Variants in SLC35F4 observed in about 807,000 individuals in gnomAD.
SLC35F4 encodes solute carrier family 35 member F4, also known as chromosome 14 open reading frame 36.
SLC35F4 carries 24 observed loss-of-function variants against 44.2 expected under a neutral mutation model. That is an observed-to-expected ratio of 0.54 (90% CI 0.39 to 0.76). The LOEUF is 0.76. Ranked by LOEUF, SLC35F4 falls within the 30% of genes least tolerant of loss-of-function variation. The probability of loss-of-function intolerance (pLI) is 0.00; values close to 1 mark genes in which losing one functional copy is unlikely to be tolerated. For synonymous variants in SLC35F4, 238 were observed against 223.6 expected (o/e 1.06, Z -0.57); for missense variants, 562 against 586.1 (o/e 0.96, Z 0.42).
At chr14:57,982,487 C>G (rs1430674611), upstream of SLC35F4, among the ~76,000 whole-genome samples, 1 of 152,014 alleles carries the variant, frequency 6.6e-6, no homozygotes, top group Non-Finnish European at 1.5e-5. Flanking sequence ...AAGGGTTGTT[C>G]TATGCTGCCT....
At chr14:57,599,933 T>G (rs2070716655) in intron 1 of SLC35F4, among the ~76,000 whole-genome samples, 2 of 151,908 alleles carry the variant, frequency 1.3e-5, no homozygotes, top group Admixed American at 6.6e-5. Context: ...CCCTTTGATA[T>G]CCCACAGGAA....
intron 1 of SLC35F4, among the ~76,000 whole-genome samples, chr14:57,885,614 A>C (rs1350894058): frequency 6.6e-6 from 1 of 152,240 alleles, no homozygotes; most frequent in Admixed American, 6.5e-5. Flanking sequence ...TTAAAATTAA[A>C]TGAAATTTAA....
rs534380663 is a variant in SLC35F4, at chr14:57,879,934, G to T, written n.282+101979C>A. Among the ~76,000 whole-genome samples, 3 of 151,448 alleles carry T rather than the reference G, an allele frequency of 2.0e-5. No homozygotes were observed. The East Asian group carries it at 5.9e-4, about 30-fold the overall frequency. On this transcript the variant is annotated intron_variant and non_coding_transcript_variant, in intron 1 of 1. Coordinates refer to the SLC35F4 transcript ENST00000556568. ...AGGAAAGGAGGGAGGGAGAGAAGGA[G>T]TGAGGTGGGGAGGGATTAAAGAAGG... is the stretch of plus-strand genomic sequence containing the variant.
chr14:57,777,408 A>G (rs2077514410), intron 1 of SLC35F4, among the ~76,000 whole-genome samples: 1 of 152,258 alleles, frequency 6.6e-6, no homozygotes, highest in African/African-American at 2.4e-5. Context: ...CTGGATTAAG[A>G]AAATGTGGCA....
rs542191351 is a variant in SLC35F4, at chr14:57,863,581, G to A, written c.103+2142C>T. 3.9e-5 allele frequency among the ~76,000 whole-genome samples: 6 copies of A among 152,232 alleles called. No homozygotes were observed. The South Asian group carries it at 8.3e-4, about 21-fold the overall frequency. On this transcript the variant is annotated intron_variant, in intron 1 of 7. Coordinates refer to ENST00000556826, the MANE Select transcript of SLC35F4 (RefSeq NM_001306087.2). The stretch of plus-strand genomic sequence containing the variant: ...TCCCCTAAGCTGTTGCTCATTCCCT[G>A]TAACAGCCAAATCAATTGACCATAT...
intron 1 of SLC35F4, among the ~76,000 whole-genome samples, chr14:57,949,868 G>T (rs1051266588): frequency 5.9e-5 from 9 of 152,092 alleles, no homozygotes; most frequent in Non-Finnish European, 1.5e-5. Flanking sequence ...ATCCCTTCTG[G>T]CTTAAAAGGT....
At chr14:57,588,357 A>ATTTTTT (rs60172708) in intron 3 of SLC35F4, among the ~76,000 whole-genome samples, 162 of 150,626 alleles carry the variant, frequency 1.1e-3, no homozygotes, top group Admixed American at 3.2e-3. Flanking sequence ...TGGTGTCCCT[A>ATTTTTT]TTTTTTTTTC....
At chr14:57,624,390 A>C (rs549033434) in intron 1 of SLC35F4, among the ~76,000 whole-genome samples, 1 of 152,348 alleles carries the variant, frequency 6.6e-6, no homozygotes. Context: ...AGCTGGTACC[A>C]TTCCTTCTGA....
intron 1 of SLC35F4, among the ~76,000 whole-genome samples, chr14:57,680,347 T>G (rs1055386569): frequency 6.6e-6 from 1 of 152,066 alleles, no homozygotes; most frequent in Non-Finnish European, 1.5e-5. Context: ...AAACTTTCAA[T>G]AAACTAAGCG....
rs576823796 is a variant in SLC35F4 at position 57,581,137 on chromosome 14, A to G, written c.807+77T>C. 6.5e-6 allele frequency: 9 copies of G among 1,392,722 alleles called. No individual in the cohort carries two copies. In the South Asian group the frequency reaches 1.4e-4, roughly 22 times the overall value. 86.3% of individuals were successfully genotyped at this position (1,392,722 alleles called of 1,614,324 possible). A position where few individuals can be genotyped will look rare whatever the true frequency, so the allele number is the denominator to read the frequency against. ...AAGTTTTACAGCAACTCCACGAAACAAAGCAGACAGGCTCTCCTGAAGCCA... is the reference window on the plus strand; with the variant it reads ...AAGTTTTACAGCAACTCCACGAAACGAAGCAGACAGGCTCTCCTGAAGCCA... On this transcript the variant is annotated intron_variant, in intron 4 of 7. Transcript: ENST00000556826.
intron 1 of SLC35F4, among the ~76,000 whole-genome samples, chr14:57,960,736 G>A (rs1890322405): frequency 6.6e-6 from 1 of 152,138 alleles, no homozygotes; most frequent in African/African-American, 2.4e-5. Flanking sequence ...TTTCCTGGTA[G>A]GTAGGCAGAA....
intron 1 of SLC35F4, among the ~76,000 whole-genome samples, chr14:57,895,581 A>ACTCT (rs373339951): frequency 0.17 from 21,950 of 131,684 alleles, 1,843 homozygotes; most frequent in East Asian, 0.48. Flanking sequence ...TCGCTCTCTC[A>ACTCT]CTCTCTCTCT....
chr14:57,667,172 G>A (rs2074338417), intron 1 of SLC35F4, among the ~76,000 whole-genome samples: 1 of 147,230 alleles, frequency 6.8e-6, no homozygotes, highest in African/African-American at 2.5e-5. Context: ...TCCTGTGTTT[G>A]TGTAAATACC....
chr14:57,870,062 C>A (rs1243370276), upstream of SLC35F4, among the ~76,000 whole-genome samples: 1 of 151,990 alleles, frequency 6.6e-6, no homozygotes, highest in Non-Finnish European at 1.5e-5. Flanking sequence ...CACTGAACCT[C>A]TTTGGAGAAA....
chr14:57,747,130 C>T (rs1178504437), intron 1 of SLC35F4, among the ~76,000 whole-genome samples: 1 of 152,136 alleles, frequency 6.6e-6, no homozygotes, highest in East Asian at 1.9e-4. Flanking sequence ...AGCAATAGTA[C>T]TCCCTAAAAT....
chr14:57,581,397 C>A lies in SLC35F4; in HGVS notation c.624G>T (p.Thr208=). The A allele has an allele frequency of 6.2e-7, 1 of 1,612,198 alleles. No homozygotes were observed. Among genetic ancestry groups the A allele is most frequent in the Non-Finnish European group, 8.5e-7 (1 of 1,179,134 alleles). ...CSRIFGEDGL[T]LKLFLKRTAP... ...CAGTTCTTTTAAGAAAGAGTTTCAG[C>A]GTCAGACCATCTTCACCAAAAATCC... Residue 208 remains threonine, a synonymous_variant, in exon 4 of 8, where the codon ACG becomes ACT. Coordinates refer to ENST00000556826, the MANE Select transcript of SLC35F4 (RefSeq NM_001306087.2).
chr14:57,762,046 C>A (rs2077136992), intron 1 of SLC35F4, among the ~76,000 whole-genome samples: 1 of 152,136 alleles, frequency 6.6e-6, no homozygotes, highest in Non-Finnish European at 1.5e-5. Context: ...GCTGGAAACA[C>A]CCCTACTCCC....
chr14:57,859,266 T>A (rs1294931376), intron 1 of SLC35F4, among the ~76,000 whole-genome samples: 1 of 152,220 alleles, frequency 6.6e-6, no homozygotes, highest in African/African-American at 2.4e-5. Context: ...TCCACTAAAA[T>A]TTAAGTTATT....
chr14:57,575,806 AT>A, intron 4 of SLC35F4, among the ~76,000 whole-genome samples: 1 of 152,154 alleles, frequency 6.6e-6, no homozygotes, highest in Non-Finnish European at 1.5e-5. Context: ...CCGTGTGGCC[AT>A]TTGAGCCTGT....
Sources: gnomAD v4.1 joint callset for allele counts (sites outside exome capture counted in the v4.1 genomes callset) on GRCh38, gnomAD v4.1.1 for gene constraint, MANE v1.5 for transcripts, NCBI Gene and HGNC (gene_info 2026-07-23, HGNC 2026-07-21) for gene names.